BANK1: variants seen among roughly 807,000 people sequenced by gnomAD.
The protein encoded by BANK1 is B-cell scaffold protein with ankyrin repeats.
A neutral mutation model predicts 94.5 loss-of-function variants in BANK1; 95 were observed. The observed-to-expected ratio is 1.00, with a 90% CI of 0.85 to 1.19. The LOEUF (loss-of-function observed/expected upper bound fraction) is 1.19, where lower values mean the gene tolerates loss of function less well. BANK1 is among the 50% of genes most tolerant of loss of function. The pLI is 0.00. For missense variants in BANK1, 987 were observed against 932.2 expected (o/e 1.06, Z -0.77); for synonymous variants, 334 against 308.4 (o/e 1.08, Z -0.87).
chr4:101,847,753 ACACAC>A (rs1727307132), intron 2 of BANK1, among the ~76,000 whole-genome samples: 2 of 151,120 alleles, frequency 1.3e-5, no homozygotes, highest in Admixed American at 6.6e-5. Context: ...ACACACACAC[ACACAC>A]ACACACACAC....
At chr4:101,884,311 A>C (rs1728773091) in intron 5 of BANK1, among the ~76,000 whole-genome samples, 2 of 152,194 alleles carry the variant, frequency 1.3e-5, no homozygotes. Context: ...TTGAGTTTTC[A>C]GCAGCAATTA....
chr4:102,063,223 T>C (rs1728483738), intron 13 of BANK1, 85 bp downstream of exon 13: 4 of 1,238,660 alleles, frequency 3.2e-6, no homozygotes, highest in African/African-American at 1.5e-5. Context: ...GGGCCTGAGT[T>C]CAAATCTAAA....
chr4:101,883,786 A>G (rs1347208438), intron 5 of BANK1, among the ~76,000 whole-genome samples: 3 of 152,238 alleles, frequency 2.0e-5, no homozygotes, highest in East Asian at 3.8e-4. Flanking sequence ...AGTCAAACAC[A>G]GTTAATAATG....
At chr4:101,953,673 A>G (rs1724247062) in intron 7 of BANK1, among the ~76,000 whole-genome samples, 1 of 152,050 alleles carries the variant, frequency 6.6e-6, no homozygotes, top group Non-Finnish European at 1.5e-5. Flanking sequence ...TTTCATATGA[A>G]TTTGTAAGTT....
chr4:101,902,625 A>T (rs776413813), intron 6 of BANK1, among the ~76,000 whole-genome samples: 25 of 152,338 alleles, frequency 1.6e-4, no homozygotes, highest in Admixed American at 4.6e-4. Context: ...GGTATCTTTT[A>T]TAATTGTCCA....
chr4:101,834,082 G>A (rs1488631601), intron 2 of BANK1, among the ~76,000 whole-genome samples: 1 of 152,132 alleles, frequency 6.6e-6, no homozygotes, highest in Non-Finnish European at 1.5e-5. Context: ...TTGGCCACTT[G>A]AGCTATAATG....
chr4:101,930,087 T>C (rs956386226), intron 7 of BANK1, among the ~76,000 whole-genome samples: 3 of 151,284 alleles, frequency 2.0e-5, no homozygotes, highest in Non-Finnish European at 3.0e-5. Context: ...TGAGAACATA[T>C]CAGAGTTTAT....
intron 1 of BANK1, among the ~76,000 whole-genome samples, chr4:101,815,568 A>C (rs1320489497): frequency 6.6e-6 from 1 of 152,174 alleles, no homozygotes; most frequent in Non-Finnish European, 1.5e-5. Context: ...TTCTATTTTC[A>C]AATCAGAGAT....
chr4:102,018,927 C>T (rs1054408464), intron 7 of BANK1, among the ~76,000 whole-genome samples: 17 of 151,246 alleles, frequency 1.1e-4, no homozygotes, highest in African/African-American at 4.1e-4. Flanking sequence ...AAGCAATTCT[C>T]CTGCCTCAGC....
At chr4:101,823,684 T>C (rs537760720) in intron 1 of BANK1, among the ~76,000 whole-genome samples, 7 of 152,302 alleles carry the variant, frequency 4.6e-5, no homozygotes, top group African/African-American at 1.7e-4. Context: ...AATGCCAAGC[T>C]TTTTTATATA....
chr4:101,972,093 A>G (rs1467466996), intron 7 of BANK1, among the ~76,000 whole-genome samples: 2 of 152,214 alleles, frequency 1.3e-5, no homozygotes, highest in South Asian at 2.1e-4. Context: ...TTTTAACAAT[A>G]TTAATTATTT....
intron 5 of BANK1, among the ~76,000 whole-genome samples, chr4:101,882,734 C>T (rs547599975): frequency 6.6e-6 from 1 of 152,306 alleles, no homozygotes; most frequent in South Asian, 2.1e-4. Flanking sequence ...ACCAAGATCA[C>T]TTTCAACTCA....
intron 3 of BANK1, among the ~76,000 whole-genome samples, chr4:101,855,451 G>C (rs1727646971): frequency 6.6e-6 from 1 of 152,122 alleles, no homozygotes; most frequent in African/African-American, 2.4e-5. Context: ...ATTTTTGTCT[G>C]CTTTGTTCAT....
chr4:101,989,641 T>G (rs1725634013), intron 7 of BANK1, among the ~76,000 whole-genome samples: 1 of 150,858 alleles, frequency 6.6e-6, no homozygotes, highest in African/African-American at 2.4e-5. Flanking sequence ...TGGGACAGCT[T>G]TTTTTTTTCT....
chr4:101,892,511 A>G (rs1721910785), intron 5 of BANK1, among the ~76,000 whole-genome samples: 1 of 149,302 alleles, frequency 6.7e-6, no homozygotes, highest in Non-Finnish European at 1.5e-5. Context: ...ATACAGATGC[A>G]TGTATGCATG....
rs541762121 is a variant in BANK1 at position 102,043,668 on chromosome 4, C to T, written c.1901-171C>T. ...GCTTTCTGAAATGACTGATAAGCTG[C>T]ACAAATGAGAAAATTGTAAATTTGA... On this transcript the variant is annotated intron_variant, in intron 10 of 16. Transcript: ENST00000322953. Among the ~76,000 whole-genome samples, 11 of 152,066 alleles carry T rather than the reference C, an allele frequency of 7.2e-5. No homozygotes were observed. The East Asian group carries it at 2.1e-3, about 29-fold the overall frequency.
At chr4:101,925,589 A>G (rs531142716) in intron 7 of BANK1, among the ~76,000 whole-genome samples, 4 of 151,864 alleles carry the variant, frequency 2.6e-5, no homozygotes, top group East Asian at 1.9e-4. Flanking sequence ...TTGAAACAGT[A>G]TCTTATTCTA....
chr4:102,063,044 A>G (rs779745919), intron 12 of BANK1, 31 bp from the exon 13 acceptor site: 4 of 1,590,140 alleles, frequency 2.5e-6, no homozygotes, highest in African/African-American at 1.3e-5. Flanking sequence ...TTTGAAAATC[A>G]TAACTATGTC....
intron 2 of BANK1, among the ~76,000 whole-genome samples, chr4:101,842,929 G>A (rs190812664): frequency 1.6e-4 from 25 of 152,164 alleles, no homozygotes; most frequent in South Asian, 8.3e-4. Flanking sequence ...TGATTTACAC[G>A]TATAAACTTG....
Sources: gnomAD v4.1 joint callset for allele counts (sites outside exome capture counted in the v4.1 genomes callset) on GRCh38, gnomAD v4.1.1 for gene constraint, MANE v1.5 for transcripts, NCBI Gene and HGNC (gene_info 2026-07-23, HGNC 2026-07-21) for gene names.